The following CAND2 variants were observed in gnomAD, a reference collection of about 807,000 sequenced individuals.
The protein encoded by CAND2 is cullin-associated NEDD8-dissociated protein 2.
In CAND2, 62 loss-of-function variants were observed where a neutral mutation model predicts 98.9. The observed-to-expected ratio is 0.63, with a 90% CI of 0.51 to 0.77. The LOEUF is 0.77. CAND2 is among the 30% of genes least tolerant of loss of function. CAND2 has a pLI of 0.00. For synonymous variants in CAND2, 770 were observed against 731.9 expected, an observed-to-expected ratio of 1.05 and a Z score of -0.84; for missense variants, 1,501 against 1,655.2, an observed-to-expected ratio of 0.91 and a Z score of 1.62.
In CAND2 at chr3:12,815,439, C is replaced by G. The variant is rs140978687; in HGVS notation, c.1299+6C>G. ...TCCATATGCTACGTGGACAGGTGGG[C>G]GTGCCTTCACCTCCACCCCTACCCC... On this transcript the variant is annotated splice_donor_region_variant and intron_variant, in intron 8 of 14. Transcript: ENST00000456430. The surrounding 1 kb of genome is among the most constrained non-coding windows in gnomAD (Gnocchi z 5.7). The G allele has an allele frequency of 6.2e-7, 1 of 1,602,396 alleles. No homozygotes were observed. The highest frequency in any genetic ancestry group is 8.5e-7 in the Non-Finnish European group (1 of 1,171,942).
rs2061918193 is a variant in CAND2, at chr3:12,817,491, G to A, written c.2559G>A (p.Val853=). 1.9e-6 allele frequency: 3 copies of A among 1,613,616 alleles called. No individual in the cohort carries two copies. The highest frequency in any genetic ancestry group is 8.5e-7 in the Non-Finnish European group (1 of 1,179,946). The part of the protein sequence containing the change: ...AFLSLAEVGQ[V]AGPGHQRELK... ...TGTCGCTGGCTGAGGTGGGTCAGGT[G>A]GCTGGGCCAGGCCACCAGCGGGAGC... Residue 853 remains valine (V), a synonymous_variant, in exon 10 of 15, where the codon GTG becomes GTA. Coordinates refer to ENST00000456430, the MANE Select transcript of CAND2 (RefSeq NM_001162499.2).
chr3:12,808,632 C>T (rs919120633), intron 4 of CAND2, among the ~76,000 whole-genome samples: 3 of 152,152 alleles, frequency 2.0e-5, no homozygotes, highest in African/African-American at 7.2e-5. Context: ...GAGGAGTTCA[C>T]AGACATGTAT....
At position 12,803,522 on chromosome 3, in the gene CAND2, C is replaced by T. The variant is rs1253489930; in HGVS notation, c.103C>T (p.Gln35Ter). 1 of 1,612,878 alleles carries T rather than the reference C, an allele frequency of 6.2e-7. No individual in the cohort carries two copies. Among genetic ancestry groups the T allele is most frequent in the African/African-American group, 1.3e-5 (1 of 74,890 alleles). Reference sequence around the variant, plus strand: ...CACCAGCGACCTGATGTCGGAGTTGCAGAAGGACTCCATCCAGCTGGACGA... The same window carrying T: ...CACCAGCGACCTGATGTCGGAGTTGTAGAAGGACTCCATCCAGCTGGACGA... ...MATSDLMSELQKDSIQLDEDS... is the reference protein window; with the variant it reads ...MATSDLMSEL Residue 35 changes from glutamine to a stop codon, truncating the protein, a stop_gained, in exon 2 of 15, where the codon CAG becomes TAG. Transcript: ENST00000456430. LOFTEE classifies it high-confidence loss of function.
rs774033982 is a variant in CAND2, at chr3:12,833,932, CAGA to C, written c.3664_3666del (p.Lys1222del). 2.1e-5 allele frequency: 34 copies of C among 1,614,210 alleles called. No homozygotes were observed. The highest frequency in any genetic ancestry group is 3.3e-4 in the Middle Eastern group (2 of 6,062). ...ACTTGCTGCCCTCTTTGAAAGCATC[CAGA>C]AGGATTCCGCTTCAGCCCCCAGCAC... On this transcript the variant is annotated inframe_deletion, in exon 15 of 15. Coordinates refer to ENST00000456430, the MANE Select transcript of CAND2 (RefSeq NM_001162499.2).
At chr3:12,829,513 CAA>C (rs1394325090) in intron 13 of CAND2, among the ~76,000 whole-genome samples, 6 of 152,078 alleles carry the variant, frequency 3.9e-5, no homozygotes, top group Non-Finnish European at 7.4e-5. Context: ...AAAATTAATA[CAA>C]AGTAATCAAA....
chr3:12,827,693 C>A, intron 13 of CAND2, 89 bp downstream of exon 13: 1 of 1,252,730 alleles, frequency 8.0e-7, no homozygotes, highest in South Asian at 1.7e-5. Flanking sequence ...GTCCTTGCTC[C>A]CTACTCCAGG....
intron 2 of CAND2, among the ~76,000 whole-genome samples, chr3:12,805,007 T>C (rs2061795722): frequency 6.6e-6 from 1 of 152,216 alleles, no homozygotes; most frequent in Non-Finnish European, 1.5e-5. Context: ...GTAATACCGT[T>C]TCCTATTAGG....
At chr3:12,802,362 CA>C (rs1207406983) in intron 1 of CAND2, among the ~76,000 whole-genome samples, 1 of 152,162 alleles carries the variant, frequency 6.6e-6, no homozygotes, top group Non-Finnish European at 1.5e-5. Flanking sequence ...CTTCTGGCAT[CA>C]CTTTCTCAGC....
At position 12,834,754 on chromosome 3, in the gene CAND2, C is replaced by T. The variant is rs1002357374; in HGVS notation, c.*772C>T. 1 of 152,108 alleles carries T rather than the reference C, an allele frequency of 6.6e-6. No homozygotes were observed. Among genetic ancestry groups the T allele is most frequent in the African/African-American group, 2.4e-5 (1 of 41,422 alleles). The allele number at this position is 152,108 out of a possible 1,614,324, so 9.4% of individuals were successfully genotyped here. ...GACAAAGAAATACAAGTGGCAGGCC[C>T]AAGTATTTTCTGTGATATCCCAGGT... On this transcript the variant is annotated 3_prime_UTR_variant, in exon 15 of 15. Transcript: ENST00000456430.
intron 13 of CAND2, among the ~76,000 whole-genome samples, chr3:12,830,671 G>A (rs996431494): frequency 2.6e-5 from 4 of 152,210 alleles, no homozygotes; most frequent in Admixed American, 6.5e-5. Context: ...ACAGCTTTGC[G>A]TCATCAAGTC....
intron 1 of CAND2, among the ~76,000 whole-genome samples, chr3:12,801,965 G>T (rs1204358577): frequency 2.0e-5 from 3 of 152,164 alleles, no homozygotes; most frequent in Admixed American, 6.5e-5. Context: ...GACAGGGCTC[G>T]CCCTCCTCCA....
chr3:12,810,370 C>T (rs2061842344), intron 5 of CAND2, 46 bp downstream of exon 5: 12 of 1,383,410 alleles, frequency 8.7e-6, no homozygotes, highest in Non-Finnish European at 9.3e-6. Flanking sequence ...GTGGGCGGAG[C>T]TTAGGGTGAG....
chr3:12,805,028 C>A (rs1225305828), intron 2 of CAND2, among the ~76,000 whole-genome samples: 1 of 152,130 alleles, frequency 6.6e-6, no homozygotes, highest in African/African-American at 2.4e-5. Context: ...AAATGAAATT[C>A]ATACATTATA....
At position 12,825,625 on chromosome 3, in the gene CAND2, G is replaced by T. The variant is rs558703060; in HGVS notation, c.3196G>T (p.Asp1066Tyr). Residue 1066 changes from aspartate (D) to tyrosine (Y), a missense_variant, in exon 12 of 15, where the codon GAC (aspartate) becomes TAC (tyrosine). Transcript: ENST00000456430. The part of the protein sequence containing the change: ...LLYQETKIRR[D>Y]LIREVEMGPF... The stretch of plus-strand genomic sequence containing the variant: ...CTACCAGGAGACAAAGATCCGGCGG[G>T]ACCTCATCCGAGAGGTGTGGAGCAG... 6.9e-6 allele frequency: 11 copies of T among 1,598,364 alleles called. No individual in the cohort carries two copies. The African/African-American group carries it at 1.5e-4, about 21-fold the overall frequency.
chr3:12,813,000 G>A lies in CAND2; in HGVS notation c.768G>A (p.Leu256=). ...CACCTGGCCCTGCAGGGGCTCACCT[G>A]GACCGCCTGGTGCCCCTGGTGGAGG... ...RQAGHRLGAH[L]DRLVPLVEDF... The change falls in exon 6 of 15, where the codon CTG becomes CTA. Residue 256 remains leucine, a synonymous_variant. Transcript: ENST00000456430. 6.4e-7 allele frequency: 1 copy of A among 1,571,818 alleles called. No homozygotes were observed. Among genetic ancestry groups the A allele is most frequent in the Non-Finnish European group, 8.6e-7 (1 of 1,159,046 alleles).
rs758820167 is a variant in CAND2 at position 12,817,469 on chromosome 3, C to T, written c.2537C>T (p.Ser846Leu). 4 of 1,613,578 alleles carry T rather than the reference C, an allele frequency of 2.5e-6. No homozygotes were observed. Among genetic ancestry groups the T allele is most frequent in the East Asian group, 2.2e-5 (1 of 44,878 alleles). Residue 846 changes from serine to leucine, a missense_variant, in exon 10 of 15, where the codon TCG (serine) becomes TTG (leucine). This residue lies in a region of CAND2 where 1,427 missense variants were observed against 1,545.3 expected (regional missense o/e 0.92). Coordinates refer to ENST00000456430, the MANE Select transcript of CAND2 (RefSeq NM_001162499.2). ...GGGGTCAAGGTCCTGGCATTCTTGT[C>T]GCTGGCTGAGGTGGGTCAGGTGGCT... is the stretch of plus-strand genomic sequence containing the variant. Reference protein sequence around the residue: ...STGVKVLAFLSLAEVGQVAGP... With the variant: ...STGVKVLAFLLLAEVGQVAGP...
chr3:12,815,371 T>C lies in CAND2; in HGVS notation c.1237T>C (p.Trp413Arg), dbSNP rs1226169001. 2 of 1,613,908 alleles carry C rather than the reference T, an allele frequency of 1.2e-6. No homozygotes were observed. Among genetic ancestry groups the C allele is most frequent in the Admixed American group, 1.7e-5 (1 of 60,030 alleles). Reference protein sequence around the residue: ...LLRQTQPPKGWLEAMEEPTQT... With the variant: ...LLRQTQPPKGRLEAMEEPTQT... ...GCGGCAAACACAGCCCCCGAAGGGA[T>C]GGCTGGAGGCCATGGAGGAACCCAC... Residue 413 changes from tryptophan (W) to arginine (R), a missense_variant, in exon 8 of 15, where the codon TGG becomes CGG. Trp to Arg is a moderately radical substitution (Grantham distance 101). Transcript: ENST00000456430. The surrounding 1 kb of genome is among the most constrained non-coding windows in gnomAD (Gnocchi z 5.7).
intron 13 of CAND2, among the ~76,000 whole-genome samples, chr3:12,829,150 T>C (rs572232102): frequency 6.6e-6 from 1 of 152,338 alleles, no homozygotes; most frequent in African/African-American, 2.4e-5. Flanking sequence ...TTTTAAGTTT[T>C]TATTTATTTG....
At position 12,827,449 on chromosome 3, in the gene CAND2, G is replaced by A; in HGVS notation, c.3220G>A (p.Gly1074Arg). The change falls in exon 13 of 15, where the codon GGG becomes AGG. Residue 1074 changes from glycine to arginine, a missense_variant. By Grantham distance (125) the Gly-to-Arg change is moderately radical. Coordinates refer to ENST00000456430, the MANE Select transcript of CAND2 (RefSeq NM_001162499.2). Reference sequence around the variant, plus strand: ...TTCATCCCTCCTGCAGGTGGAGATGGGGCCCTTTAAACATACAGTGGACGA... The same window carrying A: ...TTCATCCCTCCTGCAGGTGGAGATGAGGCCCTTTAAACATACAGTGGACGA... Reference protein sequence around the residue: ...RRDLIREVEMGPFKHTVDDGL... With the variant: ...RRDLIREVEMRPFKHTVDDGL... 3 of 1,613,350 alleles carry A rather than the reference G, an allele frequency of 1.9e-6. No individual in the cohort carries two copies. The highest frequency in any genetic ancestry group is 1.1e-5 in the South Asian group (1 of 90,970).
Sources: gnomAD v4.1 joint callset for allele counts (sites outside exome capture counted in the v4.1 genomes callset) on GRCh38, gnomAD v4.1.1 for gene constraint, gnomAD v4.1.1 regional missense constraint, Gnocchi (gnomAD v3.1) non-coding constraint, MANE v1.5 for transcripts, NCBI Gene and HGNC (gene_info 2026-07-23, HGNC 2026-07-21) for gene names.